Variants in PRKG1 observed in about 807,000 individuals in gnomAD.
The protein encoded by PRKG1 is protein kinase cGMP-dependent 1.
PRKG1 carries 35 observed loss-of-function variants against 88.1 expected under a neutral mutation model. The observed-to-expected ratio is 0.40, with a 90% CI of 0.30 to 0.53. The LOEUF (loss-of-function observed/expected upper bound fraction) is 0.53. Among genes scored for constraint, PRKG1 ranks in the 20% least tolerant of loss-of-function variants. PRKG1 has a pLI of 0.59. For missense variants in PRKG1, 540 were observed against 839.8 expected, an observed-to-expected ratio of 0.64 and a Z score of 4.41; for synonymous variants, 303 against 292.5, an observed-to-expected ratio of 1.04 and a Z score of -0.37.
rs1002239164 is a variant in PRKG1, at chr10:51,826,095, C to T, written c.698+21405C>T. Among the ~76,000 whole-genome samples, 5 of 152,118 alleles carry T rather than the reference C, an allele frequency of 3.3e-5. No individual in the cohort carries two copies. The South Asian group carries it at 8.3e-4, about 25-fold the overall frequency. ...CATCATGAATTCTCTATCTTATCAT[C>T]TCTTTCTCAGATGGCTTTACTAGAT... On this transcript the variant is annotated intron_variant, in intron 4 of 17. Transcript: ENST00000373980.
intron 7 of PRKG1, among the ~76,000 whole-genome samples, chr10:52,070,402 T>C (rs1035996243): frequency 3.9e-5 from 6 of 152,218 alleles, no homozygotes; most frequent in African/African-American, 1.4e-4. Flanking sequence ...GTAAACTGTC[T>C]CTCTGGTAGC....
chr10:52,123,621 G>A (rs1189249431), intron 7 of PRKG1, among the ~76,000 whole-genome samples: 1 of 151,994 alleles, frequency 6.6e-6, no homozygotes, highest in Non-Finnish European at 1.5e-5. Flanking sequence ...AGAAGAAATT[G>A]TTCTGTAATA....
intron 8 of PRKG1, among the ~76,000 whole-genome samples, chr10:52,144,799 C>T (rs1017012296): frequency 5.3e-5 from 8 of 151,822 alleles, no homozygotes; most frequent in Non-Finnish European, 7.4e-5. Context: ...CCTGGGCGAC[C>T]GAGCAGACTC....
chr10:51,693,399 AT>A (rs1841197008), intron 3 of PRKG1, among the ~76,000 whole-genome samples: 1 of 143,164 alleles, frequency 7.0e-6, no homozygotes, highest in South Asian at 2.3e-4. Flanking sequence ...AGTGTCACTT[AT>A]TTTTAAATTC....
chr10:51,997,896 T>A (rs1844492313), intron 5 of PRKG1, among the ~76,000 whole-genome samples: 1 of 152,152 alleles, frequency 6.6e-6, no homozygotes, highest in Admixed American at 6.5e-5. Context: ...TTCTCTCTTG[T>A]CTTACTCTGC....
At chr10:51,563,292 G>A (rs1290405734) in intron 3 of PRKG1, among the ~76,000 whole-genome samples, 1 of 152,090 alleles carries the variant, frequency 6.6e-6, no homozygotes, top group East Asian at 1.9e-4. Context: ...TAGCTAGAAG[G>A]AGAATATTGA....
intron 3 of PRKG1, among the ~76,000 whole-genome samples, chr10:51,477,976 G>A (rs988811455): frequency 6.6e-6 from 1 of 152,032 alleles, no homozygotes; most frequent in Non-Finnish European, 1.5e-5. Flanking sequence ...AAGATTGAAT[G>A]ACACAGGCTG....
At chr10:51,406,353 T>C (rs996512596) in intron 2 of PRKG1, among the ~76,000 whole-genome samples, 9 of 152,168 alleles carry the variant, frequency 5.9e-5, no homozygotes, top group Non-Finnish European at 1.2e-4. Context: ...TTTTTCTTCA[T>C]GGCATACCGT....
intron 4 of PRKG1, among the ~76,000 whole-genome samples, chr10:51,825,475 C>T (rs749592413): frequency 3.3e-5 from 5 of 152,190 alleles, no homozygotes; most frequent in African/African-American, 9.6e-5. Context: ...TAACATTACA[C>T]GTTCACAGAC....
In PRKG1 at chr10:51,323,624, T is replaced by C. The variant is rs1211941763; in HGVS notation, c.479-144099T>C. 2.6e-5 allele frequency among the ~76,000 whole-genome samples: 4 copies of C among 152,360 alleles called. No homozygotes were observed. The East Asian group carries it at 7.7e-4, about 29-fold the overall frequency. On this transcript the variant is annotated intron_variant, in intron 2 of 17. Transcript: ENST00000373980. ...TAAAATCTTATATATTTCTGCATTC[T>C]ACAAGAAGTTCACAATACCTGGAGA...
intron 4 of PRKG1, among the ~76,000 whole-genome samples, chr10:51,904,584 G>T (rs868667230): frequency 2.0e-5 from 3 of 152,068 alleles, no homozygotes; most frequent in African/African-American, 4.8e-5. Flanking sequence ...AAGATGGCTA[G>T]AAAAGTGTTT....
chr10:52,185,842 C>T (rs923775474), intron 9 of PRKG1, among the ~76,000 whole-genome samples: 1 of 152,176 alleles, frequency 6.6e-6, no homozygotes, highest in Non-Finnish European at 1.5e-5. Flanking sequence ...GATCTGGAGG[C>T]TTTTGAGCCA....
chr10:51,139,380 G>T (rs1393271914), intron 1 of PRKG1, among the ~76,000 whole-genome samples: 1 of 152,104 alleles, frequency 6.6e-6, no homozygotes, highest in Non-Finnish European at 1.5e-5. Context: ...TATGGTTCTG[G>T]CAGGAATCCA....
At chr10:52,044,747 A>G (rs748562505) in intron 5 of PRKG1, among the ~76,000 whole-genome samples, 1 of 152,104 alleles carries the variant, frequency 6.6e-6, no homozygotes, top group African/African-American at 2.4e-5. Flanking sequence ...GCAGCCCTCT[A>G]AATAGATTTC....
chr10:50,992,233 C>T (rs1262840138), intron 1 of PRKG1, among the ~76,000 whole-genome samples: 1 of 151,604 alleles, frequency 6.6e-6, no homozygotes, highest in East Asian at 2.0e-4. Flanking sequence ...GTCTCTAGGG[C>T]AGGGATCCAG....
chr10:51,150,204 T>C (rs1469444331), intron 1 of PRKG1, among the ~76,000 whole-genome samples: 1 of 152,128 alleles, frequency 6.6e-6, no homozygotes, highest in Non-Finnish European at 1.5e-5. Context: ...GGCTACCTTC[T>C]GGTACTTGTG....
chr10:51,329,379 G>A (rs1841672964), intron 2 of PRKG1, among the ~76,000 whole-genome samples: 2 of 152,118 alleles, frequency 1.3e-5, no homozygotes, highest in Admixed American at 1.3e-4. Flanking sequence ...GGCTGTAAAT[G>A]TGGAGATTTA....
At chr10:51,249,209 G>A (rs1839368438) in intron 2 of PRKG1, among the ~76,000 whole-genome samples, 1 of 151,802 alleles carries the variant, frequency 6.6e-6, no homozygotes, top group South Asian at 2.1e-4. Context: ...TTAAAAAGTT[G>A]TAATATATAG....
rs559934190 is a variant in PRKG1 at position 51,301,303 on chromosome 10, C to T, written c.478+147973C>T. 2.0e-5 allele frequency among the ~76,000 whole-genome samples: 3 copies of T among 151,966 alleles called. No homozygotes were observed. The East Asian group carries it at 5.8e-4, about 29-fold the overall frequency. The stretch of plus-strand genomic sequence containing the variant: ...TGGTATGTTTGGGAGTCAAAGGAGG[C>T]CAAGTTTCTGGCTAGGCTCAGAAGG... On this transcript the variant is annotated intron_variant, in intron 2 of 17. Transcript: ENST00000373980.
Sources: gnomAD v4.1 joint callset for allele counts (sites outside exome capture counted in the v4.1 genomes callset) on GRCh38, gnomAD v4.1.1 for gene constraint, MANE v1.5 for transcripts, NCBI Gene and HGNC (gene_info 2026-07-23, HGNC 2026-07-21) for gene names.